Variants in DPH6 observed in about 807,000 individuals in gnomAD.
DPH6 encodes diphthine--ammonia ligase.
In DPH6, 33 loss-of-function variants were observed where a neutral mutation model predicts 38.2. The observed-to-expected ratio is 0.86, with a 90% CI of 0.65 to 1.15. The LOEUF (loss-of-function observed/expected upper bound fraction) is 1.15. Ranked by LOEUF, DPH6 falls within the 50% of genes most tolerant of loss-of-function variation. DPH6 has a pLI of 0.00. For missense variants in DPH6, 325 were observed against 320.0 expected (o/e 1.02, Z -0.12); for synonymous variants, 108 against 103.0 (o/e 1.05, Z -0.30).
At chr15:35,432,528 G>T (rs543544216) in intron 5 of DPH6, among the ~76,000 whole-genome samples, 1 of 152,278 alleles carries the variant, frequency 6.6e-6, no homozygotes, top group South Asian at 2.1e-4. Flanking sequence ...ACATCCCAGG[G>T]AGGGCAGAAA....
chr15:35,331,682 GT>G, intron 3 of DPH6, among the ~76,000 whole-genome samples: 1 of 152,300 alleles, frequency 6.6e-6, no homozygotes, highest in East Asian at 1.9e-4. Flanking sequence ...CTATTGAGTT[GT>G]TTAATGATCT....
intron 7 of DPH6, among the ~76,000 whole-genome samples, chr15:35,377,376 C>A (rs1291520732): frequency 6.6e-6 from 1 of 152,076 alleles, no homozygotes; most frequent in Non-Finnish European, 1.5e-5. Context: ...TATGTGGCAA[C>A]TTTGTAGCAG....
chr15:35,531,644 T>G (rs1236039028), intron 3 of DPH6, among the ~76,000 whole-genome samples: 1 of 152,080 alleles, frequency 6.6e-6, no homozygotes, highest in Non-Finnish European at 1.5e-5. Flanking sequence ...CAGCTAATTT[T>G]TGTATTTTAG....
chr15:35,306,036 G>C (rs2052088099), intron 3 of DPH6, among the ~76,000 whole-genome samples: 1 of 152,114 alleles, frequency 6.6e-6, no homozygotes, highest in Non-Finnish European at 1.5e-5. Flanking sequence ...ACAGCAGTGT[G>C]CTTTCTGCAG....
the DPH6 span, among the ~76,000 whole-genome samples, chr15:35,171,041 T>C: frequency 6.6e-6 from 1 of 152,222 alleles, no homozygotes; most frequent in East Asian, 1.9e-4. Flanking sequence ...CAAATACAGT[T>C]ATCAGGTCCT....
At chr15:35,435,549 A>G (rs1433726845) in intron 5 of DPH6, among the ~76,000 whole-genome samples, 1 of 152,114 alleles carries the variant, frequency 6.6e-6, no homozygotes, top group Non-Finnish European at 1.5e-5. Flanking sequence ...AGGCCTCTTC[A>G]GCTCATGTGT....
At chr15:35,244,549 C>T (rs2051622989) in intron 3 of DPH6, among the ~76,000 whole-genome samples, 1 of 152,324 alleles carries the variant, frequency 6.6e-6, no homozygotes, top group African/African-American at 2.4e-5. Context: ...TTATCACTGT[C>T]TTTCAATTTT....
chr15:35,414,941 G>A (rs139643098), intron 5 of DPH6, among the ~76,000 whole-genome samples: 6 of 151,324 alleles, frequency 4.0e-5, no homozygotes, highest in Middle Eastern at 3.4e-3. Context: ...ATCTCTTTGA[G>A]GTTCTCCCTC....
At chr15:35,234,173 A>G (rs550771640) in intron 3 of DPH6, among the ~76,000 whole-genome samples, 1 of 152,254 alleles carries the variant, frequency 6.6e-6, no homozygotes, top group Non-Finnish European at 1.5e-5. Context: ...TAAGTAACTA[A>G]GGCTGATTCT....
intron 6 of DPH6, 111 bp from the exon 7 acceptor site, chr15:35,382,027 G>GT: frequency 1.3e-6 from 1 of 749,070 alleles, no homozygotes; most frequent in East Asian, 2.6e-5. Flanking sequence ...TTCCAAAATA[G>GT]TTTGCAAGGT....
intron 6 of DPH6, among the ~76,000 whole-genome samples, chr15:35,404,052 G>C (rs1248852873): frequency 1.3e-5 from 2 of 152,076 alleles, no homozygotes; most frequent in African/African-American, 4.8e-5. Context: ...GCAAATGACA[G>C]AATCTCATTC....
intron 3 of DPH6, among the ~76,000 whole-genome samples, chr15:35,515,450 G>A (rs542496688): frequency 9.2e-5 from 14 of 152,030 alleles, no homozygotes; most frequent in African/African-American, 2.2e-4. Context: ...GGCCGGGTGC[G>A]GTGGCTCACA....
At chr15:35,189,023 G>C in the DPH6 span, among the ~76,000 whole-genome samples, 1 of 152,180 alleles carries the variant, frequency 6.6e-6, no homozygotes, top group African/African-American at 2.4e-5. Flanking sequence ...CATCATGGCT[G>C]TAAAAGATAG....
chr15:35,396,618 C>T (rs963519195), intron 6 of DPH6, among the ~76,000 whole-genome samples: 2 of 151,940 alleles, frequency 1.3e-5, no homozygotes, highest in Non-Finnish European at 2.9e-5. Context: ...AATTTTTTTC[C>T]TTGAAATTCT....
rs576608990 is a variant in DPH6 at position 35,414,816 on chromosome 15, T to C, written c.506-3920A>G. 8.9e-4 allele frequency among the ~76,000 whole-genome samples: 136 copies of C among 151,958 alleles called. 1 individual carries two copies. Among genetic ancestry groups the C allele is most frequent in the Non-Finnish European group, 1.7e-3 (115 of 67,820 alleles). On this transcript the variant is annotated intron_variant, in intron 5 of 8. Transcript: ENST00000256538. The stretch of plus-strand genomic sequence containing the variant: ...ACTGAAGTTTTTTTTCATGACTATG[T>C]TTCATTTCTAAAATTTCTAATTGGT...
chr15:35,345,267 ATCTC>A (rs1658035294), intron 3 of DPH6, among the ~76,000 whole-genome samples: 1 of 151,884 alleles, frequency 6.6e-6, no homozygotes, highest in Non-Finnish European at 1.5e-5. Context: ...TTCTAAGAAC[ATCTC>A]TGTAGATTTG....
At chr15:35,313,788 T>C (rs148606275) in intron 3 of DPH6, among the ~76,000 whole-genome samples, 181 of 152,270 alleles carry the variant, frequency 1.2e-3, no homozygotes, top group East Asian at 3.7e-3. Context: ...TACACAAAAA[T>C]TGAATCGAAA....
intron 3 of DPH6, among the ~76,000 whole-genome samples, chr15:35,480,108 T>C (rs1041820668): frequency 2.0e-5 from 3 of 151,974 alleles, no homozygotes; most frequent in East Asian, 1.9e-4. Flanking sequence ...AAGTCAATAT[T>C]AAACTTTGAA....
intron 3 of DPH6, among the ~76,000 whole-genome samples, chr15:35,492,125 G>C (rs2054491164): frequency 6.6e-6 from 1 of 152,058 alleles, no homozygotes; most frequent in African/African-American, 2.4e-5. Flanking sequence ...AGAATTAGGA[G>C]TGCTGAGGGC....
Sources: allele counts gnomAD v4.1 joint callset (sites outside exome capture counted in the v4.1 genomes callset), GRCh38; gene constraint gnomAD v4.1.1; transcripts MANE v1.5; gene names NCBI Gene and HGNC (gene_info 2026-07-23, HGNC 2026-07-21).